TBC1D10A: variants seen among roughly 807,000 people sequenced by gnomAD.
TBC1D10A encodes EBP50-PDX interactor of 64 kDa.
A neutral mutation model predicts 52.9 loss-of-function variants in TBC1D10A; 24 were observed. The observed-to-expected ratio is 0.45, with a 90% CI of 0.33 to 0.64. The LOEUF (loss-of-function observed/expected upper bound fraction) is 0.64, where lower values mean the gene tolerates loss of function less well. TBC1D10A is among the 30% of genes least tolerant of loss of function. The probability of loss-of-function intolerance (pLI) is 0.02; values close to 1 mark genes in which losing one functional copy is unlikely to be tolerated. For synonymous variants in TBC1D10A, 278 were observed against 282.9 expected, an observed-to-expected ratio of 0.98 and a Z score of 0.17; for missense variants, 602 against 687.9, an observed-to-expected ratio of 0.88 and a Z score of 1.40.
At chr22:30,303,338 C>CAGACAGAT (rs1209390710) in intron 2 of TBC1D10A, among the ~76,000 whole-genome samples, 14 of 149,746 alleles carry the variant, frequency 9.3e-5, no homozygotes, top group Middle Eastern at 3.4e-3. Flanking sequence ...GACAGACAGA[C>CAGACAGAT]AGATAGATAG....
In TBC1D10A at chr22:30,292,508, G is replaced by T. The variant is rs1235277005; in HGVS notation, c.1394C>A (p.Pro465His). The T allele has an allele frequency of 2.5e-6, 4 of 1,610,576 alleles. No homozygotes were observed. Among genetic ancestry groups the T allele is most frequent in the Non-Finnish European group, 3.4e-6 (4 of 1,178,506 alleles). ...GTCCTTCGGGGGCACATGCTGTGGG[G>T]GACATGCATCTCCTGCAGCGGCCAC... ...MVVAAAGDAC[P>H]PQHVPPKDSA... Residue 465 changes from proline (P) to histidine (H), a missense_variant, in exon 9 of 9, where the codon CCC becomes CAC. This residue lies in a region of TBC1D10A where 265 missense variants were observed against 275.1 expected (regional missense o/e 0.96). Transcript: ENST00000215790.
intron 2 of TBC1D10A, 29 bp from the exon 3 acceptor site, chr22:30,299,580 T>A: frequency 6.2e-7 from 1 of 1,609,822 alleles, no homozygotes; most frequent in Non-Finnish European, 8.5e-7. Flanking sequence ...GCTGAGCCCA[T>A]GCAGCCACCC....
chr22:30,314,768 GCCA>G (rs531658960), intron 1 of TBC1D10A, among the ~76,000 whole-genome samples: 139 of 149,642 alleles, frequency 9.3e-4, no homozygotes, highest in African/African-American at 3.3e-3. Flanking sequence ...CCATAATTGT[GCCA>G]CTGCACTCCA....
intron 1 of TBC1D10A, among the ~76,000 whole-genome samples, chr22:30,324,510 G>A (rs2145788805): frequency 6.6e-6 from 1 of 152,302 alleles, no homozygotes; most frequent in Non-Finnish European, 1.5e-5. Flanking sequence ...CACATCCCGG[G>A]TTTGTGGTTG....
intron 1 of TBC1D10A, among the ~76,000 whole-genome samples, chr22:30,324,725 C>T (rs948768401): frequency 3.9e-5 from 6 of 152,168 alleles, no homozygotes; most frequent in Admixed American, 2.0e-4. Flanking sequence ...GGCACCTTCA[C>T]GTATCATATA....
chr22:30,318,491 T>C (rs1163602808), intron 1 of TBC1D10A, among the ~76,000 whole-genome samples: 2 of 152,168 alleles, frequency 1.3e-5, no homozygotes, highest in African/African-American at 2.4e-5. Flanking sequence ...AAGCCAGCCA[T>C]ACCAGGCACC....
At position 30,297,065 on chromosome 22, in the gene TBC1D10A, A is replaced by G. The variant is rs1454522066; in HGVS notation, c.418-1222T>C. 6.6e-6 allele frequency: 1 copy of G among 152,302 alleles called. No homozygotes were observed. Among genetic ancestry groups the G allele is most frequent in the Non-Finnish European group, 1.5e-5 (1 of 68,086 alleles). The allele number at this position is 152,302 out of a possible 1,614,324, so 9.4% of individuals were successfully genotyped here. On this transcript the variant is annotated intron_variant, in intron 3 of 8. Transcript: ENST00000215790. This position sits in a 1 kb window ranked among gnomAD's most constrained non-coding sequence, Gnocchi z 4.3. ...CCCTGACGAGCAGGTGACTTCATACAAGCCCCTTTCCCTCTCTGGCCCTCA... is the reference window on the plus strand; with the variant it reads ...CCCTGACGAGCAGGTGACTTCATACGAGCCCCTTTCCCTCTCTGGCCCTCA...
chr22:30,311,412 C>T (rs1263291047), intron 1 of TBC1D10A, among the ~76,000 whole-genome samples: 1 of 152,190 alleles, frequency 6.6e-6, no homozygotes, highest in Non-Finnish European at 1.5e-5. Context: ...CCACCCCTGC[C>T]TAGGAGCCGG....
At chr22:30,318,910 C>G (rs1930593409) in intron 1 of TBC1D10A, 1 of 352,640 alleles carries the variant, frequency 2.8e-6, no homozygotes, top group Non-Finnish European at 5.6e-6. Flanking sequence ...CCGCCCAACC[C>G]ATTTCCTGGA....
chr22:30,322,593 CTTTTTTTTTTTTT>C (rs34874729), intron 1 of TBC1D10A, among the ~76,000 whole-genome samples: 1 of 24,874 alleles, frequency 4.0e-5, no homozygotes, highest in East Asian at 1.4e-3. Flanking sequence ...TCACTTTCAG[CTTTTTTTTTTTTT>C]TTTTTTTTTT....
rs563402288 is a variant in TBC1D10A, at chr22:30,292,235, C to T, written c.*140G>A. ...GAATCTGTGTTGGACCAGGCAGAATCTGTGTTGGACCAGCCAGACTCCAGC... is the reference window on the plus strand; with the variant it reads ...GAATCTGTGTTGGACCAGGCAGAATTTGTGTTGGACCAGCCAGACTCCAGC... On this transcript the variant is annotated 3_prime_UTR_variant, in exon 9 of 9. Coordinates refer to ENST00000215790, the MANE Select transcript of TBC1D10A (RefSeq NM_031937.3). 1.5e-6 allele frequency: 1 copy of T among 685,598 alleles called. No individual in the cohort carries two copies. Among genetic ancestry groups the T allele is most frequent in the South Asian group, 2.4e-5 (1 of 42,324 alleles). 42.5% of individuals were successfully genotyped at this position (685,598 alleles called of 1,614,324 possible).
chr22:30,294,101 G>A lies in TBC1D10A; in HGVS notation c.715C>T (p.Gln239Ter), dbSNP rs1226331106. 6.2e-7 allele frequency: 1 copy of A among 1,613,688 alleles called. No homozygotes were observed. Among genetic ancestry groups the A allele is most frequent in the South Asian group, 1.1e-5 (1 of 91,088 alleles). Residue 239 changes from glutamine (Q) to a stop codon, truncating the protein, a stop_gained, in exon 7 of 9, where the codon CAG (glutamine) becomes TAG (stop). Coordinates refer to ENST00000215790, the MANE Select transcript of TBC1D10A (RefSeq NM_031937.3). LOFTEE classifies it high-confidence loss of function. Reference protein sequence around the residue: ...GYYSEKLEAIQLDGEILFSLL... With the variant: ...GYYSEKLEAI ...GAGAAAAGGATCTCCCCGTCCAGCT[G>A]GATCGCCTCCTAGGGAGACATCGAG...
Position 30,308,292 on chromosome 22 carries a change from A to ATGCCTGCC in TBC1D10A, c.210-3663_210-3662insGGCAGGCA, listed in dbSNP as rs140730872. On this transcript the variant is annotated intron_variant, in intron 1 of 8. Transcript: ENST00000215790. ...GCCTCCACACAGCCTGCATGCCTGC[A>ATGCCTGCC]TGCCTGCATGCCTGCCTGCCTGCAT... Among the ~76,000 whole-genome samples, 253 of 78,774 alleles carry ATGCCTGCC rather than the reference A, an allele frequency of 3.2e-3. 10 individuals carry two copies. The East Asian group carries it at 0.043, about 13-fold the overall frequency. The allele number at this position is 78,774 out of a possible 152,430, so 51.7% of individuals were successfully genotyped here.
rs1930272133 is a variant in TBC1D10A at position 30,304,575 on chromosome 22, T to C, written c.265A>G (p.Met89Val). ...LRQRESKWLD[M>V]LNNWDKWMAK... ...ATCCATTTGTCCCAGTTGTTGAGCA[T>C]GTCCAGCCACTTGGACTCCCTCTGC... The change falls in exon 2 of 9, where the codon ATG (methionine) becomes GTG (valine). Residue 89 changes from methionine to valine, a missense_variant. Met to Val is a conservative substitution (Grantham distance 21, BLOSUM62 1). Coordinates refer to ENST00000215790, the MANE Select transcript of TBC1D10A (RefSeq NM_031937.3). The C allele has an allele frequency of 1.9e-6, 3 of 1,614,116 alleles. No individual in the cohort carries two copies. Among genetic ancestry groups the C allele is most frequent in the East Asian group, 2.2e-5 (1 of 44,878 alleles).
In TBC1D10A at chr22:30,304,537, G is replaced by C. The variant is rs1300286783; in HGVS notation, c.303C>G (p.His101Gln). The change falls in exon 2 of 9, where the codon CAC becomes CAG. Residue 101 changes from histidine to glutamine, a missense_variant. Transcript: ENST00000215790. Reference sequence around the variant, plus strand: ...CTGAGGCCAGGCCCCTCACCTTTTTGTGCTTCTTGGCCATCCATTTGTCCC... The same window carrying C: ...CTGAGGCCAGGCCCCTCACCTTTTTCTGCTTCTTGGCCATCCATTTGTCCC... Reference protein sequence around the residue: ...NNWDKWMAKKHKKIRLRCQKG... With the variant: ...NNWDKWMAKKQKKIRLRCQKG... The C allele has an allele frequency of 1.9e-6, 3 of 1,613,882 alleles. No individual in the cohort carries two copies. Among genetic ancestry groups the C allele is most frequent in the Non-Finnish European group, 1.7e-6 (2 of 1,179,942 alleles).
rs776622115 is a variant in TBC1D10A at position 30,292,587 on chromosome 22, TCTGTTTCCG to T, written c.1306_1314del (p.Arg436_Gln438del). On this transcript the variant is annotated inframe_deletion, in exon 9 of 9. Transcript: ENST00000215790. ...TTCTCCAGCTGCCCTCTCCCCTTCA[TCTGTTTCCG>T]CTGCTCCTTCTGGGCCTGCTTGGGT... 6.2e-7 allele frequency: 1 copy of T among 1,613,802 alleles called. No homozygotes were observed. Among genetic ancestry groups the T allele is most frequent in the South Asian group, 1.1e-5 (1 of 91,036 alleles).
chr22:30,307,548 A>T (rs1930333899), intron 1 of TBC1D10A, among the ~76,000 whole-genome samples: 1 of 152,154 alleles, frequency 6.6e-6, no homozygotes, highest in Non-Finnish European at 1.5e-5. Context: ...TACCAGGCAC[A>T]CACATGTTTA....
intron 1 of TBC1D10A, among the ~76,000 whole-genome samples, chr22:30,306,083 C>T (rs1365749020): frequency 6.6e-6 from 1 of 152,172 alleles, no homozygotes; most frequent in African/African-American, 2.4e-5. Flanking sequence ...ACTAAGGGCC[C>T]ACACCTCCCA....
chr22:30,322,821 C>T (rs944801668), intron 1 of TBC1D10A, among the ~76,000 whole-genome samples: 2 of 151,526 alleles, frequency 1.3e-5, no homozygotes, highest in Admixed American at 6.6e-5. Flanking sequence ...GTCTTGAACT[C>T]CTGGGCTCAA....
Sources: allele counts gnomAD v4.1 joint callset (sites outside exome capture counted in the v4.1 genomes callset), GRCh38; gene constraint gnomAD v4.1.1; regional missense constraint gnomAD v4.1.1; non-coding constraint Gnocchi (gnomAD v3.1); transcripts MANE v1.5; gene names NCBI Gene and HGNC (gene_info 2026-07-23, HGNC 2026-07-21).